Variants in NEGR1 observed in about 807,000 individuals in gnomAD.
NEGR1 encodes IgLON family member 4.
In NEGR1, 10 loss-of-function variants were observed where a neutral mutation model predicts 40.9. The observed-to-expected ratio is 0.24, with a 90% CI of 0.15 to 0.42. The LOEUF (loss-of-function observed/expected upper bound fraction) is 0.42. Among genes scored for constraint, NEGR1 ranks in the 10% least tolerant of loss-of-function variants. The pLI, the probability that NEGR1 is intolerant of heterozygous loss-of-function variation, is 1.00. For missense variants in NEGR1, 352 were observed against 438.9 expected (o/e 0.80, Z 1.77); for synonymous variants, 185 against 166.8 (o/e 1.11, Z -0.84).
chr1:71,838,619 A>G (rs2101799730), intron 2 of NEGR1, among the ~76,000 whole-genome samples: 1 of 152,228 alleles, frequency 6.6e-6, no homozygotes, highest in South Asian at 2.1e-4. Context: ...TTTGGCAGTG[A>G]GTGTGAAGTG....
At chr1:71,738,163 T>C (rs1244936651) in intron 3 of NEGR1, 1 of 160,096 alleles carries the variant, frequency 6.2e-6, no homozygotes, top group African/African-American at 2.4e-5. Flanking sequence ...TCAGTCTCTA[T>C]TTTCAGTTAC....
intron 6 of NEGR1, among the ~76,000 whole-genome samples, chr1:71,553,194 C>T (rs771272709): frequency 6.6e-6 from 1 of 151,438 alleles, no homozygotes; most frequent in Non-Finnish European, 1.5e-5. Context: ...ACAGCAAGTG[C>T]CAAAATATCT....
chr1:71,424,027 G>C (rs1415531091), intron 6 of NEGR1, among the ~76,000 whole-genome samples: 1 of 150,680 alleles, frequency 6.6e-6, no homozygotes, highest in Non-Finnish European at 1.5e-5. Flanking sequence ...ACATCAGTTT[G>C]TAAAAGCAAT....
intron 1 of NEGR1, among the ~76,000 whole-genome samples, chr1:72,183,538 T>C (rs768323706): frequency 3.3e-5 from 5 of 152,130 alleles, no homozygotes; most frequent in African/African-American, 4.8e-5. Flanking sequence ...ATAAATACTG[T>C]AATCAAATTC....
At position 72,228,011 on chromosome 1, in the gene NEGR1, T is replaced by A. The variant is rs1654246784; in HGVS notation, c.176+54308A>T. 3.3e-5 allele frequency among the ~76,000 whole-genome samples: 5 copies of A among 152,122 alleles called. No homozygotes were observed. The South Asian group carries it at 1.0e-3, about 32-fold the overall frequency. On this transcript the variant is annotated intron_variant, in intron 1 of 6. Coordinates refer to ENST00000357731, the MANE Select transcript of NEGR1 (RefSeq NM_173808.3). Reference sequence around the variant, plus strand: ...CACCTGACTAATAACGTTATTGGTATTAATGAGTTAATATATGAAATGCCC... The same window carrying A: ...CACCTGACTAATAACGTTATTGGTAATAATGAGTTAATATATGAAATGCCC...
At chr1:72,214,792 T>C (rs1238511760) in intron 1 of NEGR1, among the ~76,000 whole-genome samples, 1 of 151,848 alleles carries the variant, frequency 6.6e-6, no homozygotes, top group Non-Finnish European at 1.5e-5. Context: ...CCCAAAGTAA[T>C]TTATAGATTC....
intron 1 of NEGR1, among the ~76,000 whole-genome samples, chr1:71,951,285 A>G (rs1374773030): frequency 1.3e-5 from 2 of 151,936 alleles, no homozygotes; most frequent in African/African-American, 4.8e-5. Context: ...GAAAGTCATC[A>G]TTATCTAACA....
intron 3 of NEGR1, among the ~76,000 whole-genome samples, chr1:71,728,082 GC>G (rs559241532): frequency 6.6e-6 from 1 of 152,138 alleles, no homozygotes; most frequent in Admixed American, 6.6e-5. Flanking sequence ...TTAGGCTCAT[GC>G]TTTGCAACAA....
chr1:71,970,186 C>T (rs1368939148), intron 1 of NEGR1, among the ~76,000 whole-genome samples: 2 of 151,910 alleles, frequency 1.3e-5, no homozygotes, highest in Non-Finnish European at 2.9e-5. Context: ...GCAGAGGGAA[C>T]AACATAGGAG....
At chr1:71,502,768 A>G (rs1261985198) in intron 6 of NEGR1, among the ~76,000 whole-genome samples, 2 of 152,194 alleles carry the variant, frequency 1.3e-5, no homozygotes, top group Non-Finnish European at 2.9e-5. Flanking sequence ...AAATTGGACT[A>G]TAAATTCAAC....
At chr1:71,574,537 G>A (rs1425234540) in intron 6 of NEGR1, among the ~76,000 whole-genome samples, 1 of 152,040 alleles carries the variant, frequency 6.6e-6, no homozygotes, top group Non-Finnish European at 1.5e-5. Context: ...TTTCTTTCTG[G>A]AATAATTTCT....
chr1:71,865,843 A>C (rs548367635), intron 2 of NEGR1, among the ~76,000 whole-genome samples: 200 of 152,318 alleles, frequency 1.3e-3, no homozygotes, highest in African/African-American at 4.4e-3. Flanking sequence ...ACACATAGCA[A>C]TAAAGAACTA....
chr1:71,960,792 C>T (rs1646159143), intron 1 of NEGR1, among the ~76,000 whole-genome samples: 1 of 152,010 alleles, frequency 6.6e-6, no homozygotes, highest in South Asian at 2.1e-4. Flanking sequence ...AATTTCATTG[C>T]TTAGGTCATA....
intron 4 of NEGR1, among the ~76,000 whole-genome samples, chr1:71,673,037 G>A (rs922009394): frequency 6.6e-6 from 1 of 152,014 alleles, no homozygotes; most frequent in Admixed American, 6.6e-5. Context: ...AGATCGAGAC[G>A]ATCCTGACTA....
At chr1:72,116,492 A>G (rs1169400755) in intron 1 of NEGR1, among the ~76,000 whole-genome samples, 1 of 151,728 alleles carries the variant, frequency 6.6e-6, no homozygotes, top group Non-Finnish European at 1.5e-5. Context: ...TGATTGAACT[A>G]ATCATTAGTG....
intron 6 of NEGR1, among the ~76,000 whole-genome samples, chr1:71,579,116 A>G (rs1354639775): frequency 1.3e-5 from 2 of 152,130 alleles, no homozygotes; most frequent in East Asian, 1.9e-4. Context: ...TTTTTGGCTC[A>G]TATCATTTCT....
intron 6 of NEGR1, among the ~76,000 whole-genome samples, chr1:71,520,577 C>G (rs1373270175): frequency 6.6e-6 from 1 of 152,062 alleles, no homozygotes; most frequent in Non-Finnish European, 1.5e-5. Flanking sequence ...CAAATTAACT[C>G]AGGTCAAAAG....
chr1:71,479,487 C>A (rs979307006), intron 6 of NEGR1, among the ~76,000 whole-genome samples: 4 of 151,980 alleles, frequency 2.6e-5, no homozygotes, highest in Non-Finnish European at 5.9e-5. Flanking sequence ...GTATGTCCCA[C>A]TTGCTTGTTT....
At chr1:71,872,652 T>C (rs1660312078) in intron 2 of NEGR1, among the ~76,000 whole-genome samples, 1 of 152,170 alleles carries the variant, frequency 6.6e-6, no homozygotes, top group African/African-American at 2.4e-5. Flanking sequence ...TTATTTGAAG[T>C]CACAGAAAAT....
Sources: allele counts gnomAD v4.1 joint callset (sites outside exome capture counted in the v4.1 genomes callset), GRCh38; gene constraint gnomAD v4.1.1; transcripts MANE v1.5; gene names NCBI Gene and HGNC (gene_info 2026-07-23, HGNC 2026-07-21).